PRSS21: variants seen among roughly 807,000 people sequenced by gnomAD.
The protein encoded by PRSS21 is testisin.
A neutral mutation model predicts 31.1 loss-of-function variants in PRSS21; 40 were observed. That is an observed-to-expected ratio of 1.29 (90% confidence interval 1.00 to 1.68). PRSS21 has a LOEUF of 1.68. Among genes scored for constraint, PRSS21 ranks in the 40% most tolerant of loss-of-function variants. The pLI is 0.00. For synonymous variants in PRSS21, 186 were observed against 167.7 expected (o/e 1.11, Z -0.84); for missense variants, 467 against 412.6 (o/e 1.13, Z -1.14).
chr16:2,818,639 C>T (rs755983278), intron 3 of PRSS21, 38 bp from the exon 4 acceptor site: 33 of 1,594,014 alleles, frequency 2.1e-5, no homozygotes, highest in Non-Finnish European at 2.8e-5. Context: ...GCCAGCCCTC[C>T]ATCCAGGGCC....
At chr16:2,820,034 A>G (rs1348482414) in intron 4 of PRSS21, among the ~76,000 whole-genome samples, 1 of 152,098 alleles carries the variant, frequency 6.6e-6, no homozygotes, top group Admixed American at 6.5e-5. Flanking sequence ...TCCCCAGCCC[A>G]GGGTAGACAG....
Position 2,817,298 on chromosome 16 carries a change from G to T in PRSS21, c.30G>T (p.Ala10=). 6.5e-7 allele frequency: 1 copy of T among 1,540,618 alleles called. No individual in the cohort carries two copies. The highest frequency in any genetic ancestry group is 2.4e-5 in the East Asian group (1 of 41,004). Residue 10 remains alanine (A), a synonymous_variant, in exon 1 of 6, where the codon GCG becomes GCT. Transcript: ENST00000005995. The surrounding 1 kb of genome is among the most constrained non-coding windows in gnomAD (Gnocchi z 4.2). Reference sequence around the variant, plus strand: ...GCGCGCGCGGGGCGCTGCTGCTGGCGCTGCTGCTGGCTCGGGCTGGACTCA... The same window carrying T: ...GCGCGCGCGGGGCGCTGCTGCTGGCTCTGCTGCTGGCTCGGGCTGGACTCA... MGARGALLL[A]LLLARAGLRK...
chr16:2,821,246 C>G, intron 5 of PRSS21, 120 bp from the exon 6 acceptor site: 1 of 1,531,976 alleles, frequency 6.5e-7, no homozygotes, highest in South Asian at 1.2e-5. Context: ...TTGGCTGCTG[C>G]CAGGGGGAGG....
Position 2,817,669 on chromosome 16 carries a change from T to C in PRSS21, c.92-132T>C, listed in dbSNP as rs2069099314. 3.0e-6 allele frequency: 4 copies of C among 1,319,920 alleles called. No individual in the cohort carries two copies. The South Asian group carries it at 4.2e-5, about 14-fold the overall frequency. The allele number at this position is 1,319,920 out of a possible 1,614,324, so 81.8% of individuals were successfully genotyped here. A position where few individuals can be genotyped will look rare whatever the true frequency, so the allele number is the denominator to read the frequency against. On this transcript the variant is annotated intron_variant, in intron 2 of 5. Transcript: ENST00000005995. This position sits in a 1 kb window ranked among gnomAD's most constrained non-coding sequence, Gnocchi z 4.2. ...AGGATCTCCAGTGTCACCTACTTCC[T>C]GCTGCACACACGCGAGGGGACCCTG...
rs2069161419 is a variant in PRSS21 at position 2,820,938 on chromosome 16, C to T, written c.551-17C>T. 6.2e-7 allele frequency: 1 copy of T among 1,611,628 alleles called. No individual in the cohort carries two copies. Among genetic ancestry groups the T allele is most frequent in the Non-Finnish European group, 8.5e-7 (1 of 1,179,462 alleles). ...CTCAGGTTGCTGTCTCTCTCCTTCCCACTATCGTCCGCACAGCACTGCCAT... is the reference window on the plus strand; with the variant it reads ...CTCAGGTTGCTGTCTCTCTCCTTCCTACTATCGTCCGCACAGCACTGCCAT... On this transcript the variant is annotated splice_polypyrimidine_tract_variant and intron_variant, in intron 4 of 5. Coordinates refer to ENST00000005995, the MANE Select transcript of PRSS21 (RefSeq NM_006799.4).
intron 4 of PRSS21, 94 bp downstream of exon 4, chr16:2,819,063 C>A: frequency 1.5e-6 from 2 of 1,376,186 alleles, no homozygotes; most frequent in Non-Finnish European, 2.0e-6. Flanking sequence ...TCTGGGGGTG[C>A]AGGCTATGCC....
chr16:2,821,110 G>C lies in PRSS21; in HGVS notation c.705+1G>C. ...CCAAGGCGGGAAGGATGCCTGCTTC[G>C]TGAGTGTCCTTGCCACCACTCCCAG... On this transcript the variant is annotated splice_donor_variant, in intron 5 of 5. Transcript: ENST00000005995. LOFTEE classifies it high-confidence loss of function. 6.2e-7 allele frequency: 1 copy of C among 1,613,812 alleles called. No homozygotes were observed. The highest frequency in any genetic ancestry group is 1.1e-5 in the South Asian group (1 of 91,078).
Position 2,821,633 on chromosome 16 carries a change from C to T in PRSS21, c.*28C>T, listed in dbSNP as rs2069181246. 5.6e-6 allele frequency: 9 copies of T among 1,598,328 alleles called. No homozygotes were observed. The highest frequency in any genetic ancestry group is 7.7e-6 in the Non-Finnish European group (9 of 1,171,620). On this transcript the variant is annotated 3_prime_UTR_variant, in exon 6 of 6. Coordinates refer to ENST00000005995, the MANE Select transcript of PRSS21 (RefSeq NM_006799.4). ...CTACCTGAGCCCATGCAGCCTGGGG[C>T]CACTGCCAAGTCAGGCCCTGGTTCT...
intron 5 of PRSS21, 115 bp from the exon 6 acceptor site, chr16:2,821,251 G>GGGA: frequency 6.5e-7 from 1 of 1,529,940 alleles, no homozygotes; most frequent in Non-Finnish European, 8.9e-7. Context: ...TGCTGCCAGG[G>GGGA]GGAGGAGGAG....
intron 5 of PRSS21, 81 bp from the exon 6 acceptor site, chr16:2,821,285 C>G: frequency 6.4e-7 from 1 of 1,570,418 alleles, no homozygotes; most frequent in Non-Finnish European, 8.7e-7. Context: ...TCTACCCAGC[C>G]CCATAGCCCT....
At position 2,821,669 on chromosome 16, in the gene PRSS21, G is replaced by A; in HGVS notation, c.*64G>A. The A allele has an allele frequency of 6.4e-7, 1 of 1,557,124 alleles. No individual in the cohort carries two copies. Among genetic ancestry groups the A allele is most frequent in the South Asian group, 1.1e-5 (1 of 87,014 alleles). On this transcript the variant is annotated 3_prime_UTR_variant, in exon 6 of 6. Transcript: ENST00000005995. ...TCAGGCCCTGGTTCTCTTCTGTCTT[G>A]TTTGGTAATAAACACATTCCAGTTG...
chr16:2,818,644 A>G, intron 3 of PRSS21, 33 bp from the exon 4 acceptor site: 5 of 1,601,278 alleles, frequency 3.1e-6, no homozygotes, highest in Non-Finnish European at 4.3e-6. Flanking sequence ...CCCTCCATCC[A>G]GGGCCCCTGA....
In PRSS21 at chr16:2,821,116, G is replaced by A. The variant is rs779912428; in HGVS notation, c.705+7G>A. The A allele has an allele frequency of 6.2e-7, 1 of 1,613,762 alleles. No homozygotes were observed. On this transcript the variant is annotated splice_region_variant and intron_variant, in intron 5 of 5. Coordinates refer to ENST00000005995, the MANE Select transcript of PRSS21 (RefSeq NM_006799.4). The stretch of plus-strand genomic sequence containing the variant: ...CGGGAAGGATGCCTGCTTCGTGAGT[G>A]TCCTTGCCACCACTCCCAGCCCAGG...
Position 2,817,836 on chromosome 16 carries a change from G to C in PRSS21, c.127G>C (p.Val43Leu). The C allele has an allele frequency of 2.6e-6, 4 of 1,551,292 alleles. No individual in the cohort carries two copies. Among genetic ancestry groups the C allele is most frequent in the Non-Finnish European group, 3.5e-6 (4 of 1,147,538 alleles). ...CCGACGGGTCATCACGTCGCGCATCGTGGGTGGAGAGGACGCCGAACTCGG... is the reference window on the plus strand; with the variant it reads ...CCGACGGGTCATCACGTCGCGCATCCTGGGTGGAGAGGACGCCGAACTCGG... ...CGRRVITSRIVGGEDAELGRW... is the reference protein window; with the variant it reads ...CGRRVITSRILGGEDAELGRW... The change falls in exon 3 of 6, where the codon GTG becomes CTG. Residue 43 changes from valine to leucine, a missense_variant. Transcript: ENST00000005995. The surrounding 1 kb of genome is among the most constrained non-coding windows in gnomAD (Gnocchi z 4.2).
intron 4 of PRSS21, among the ~76,000 whole-genome samples, chr16:2,819,867 C>G (rs1341826156): frequency 4.6e-5 from 7 of 152,180 alleles, no homozygotes; most frequent in Non-Finnish European, 8.8e-5. Flanking sequence ...AAGGGATGTC[C>G]CCAAGTCACA....
At chr16:2,819,803 A>T (rs1879971594) in intron 4 of PRSS21, among the ~76,000 whole-genome samples, 1 of 152,204 alleles carries the variant, frequency 6.6e-6, no homozygotes, top group Non-Finnish European at 1.5e-5. Flanking sequence ...GGGTTATGGA[A>T]ATTGCCAAGA....
chr16:2,821,682 C>A lies in PRSS21; in HGVS notation c.*77C>A. 1 of 1,519,938 alleles carries A rather than the reference C, an allele frequency of 6.6e-7. No homozygotes were observed. The allele number at this position is 1,519,938 out of a possible 1,614,324, so 94.2% of individuals were successfully genotyped here. A position where few individuals can be genotyped will look rare whatever the true frequency, so the allele number is the denominator to read the frequency against. The stretch of plus-strand genomic sequence containing the variant: ...CTCTTCTGTCTTGTTTGGTAATAAA[C>A]ACATTCCAGTTGATGCCTTGCAGGG... On this transcript the variant is annotated 3_prime_UTR_variant, in exon 6 of 6. Transcript: ENST00000005995.
rs747521088 is a variant in PRSS21 at position 2,821,549 on chromosome 16, T to C, written c.889T>C (p.Trp297Arg). ...QSGMSQPDPSWPLLFFPLLWA... is the reference protein window; with the variant it reads ...QSGMSQPDPSRPLLFFPLLWA... ...TGGCATGTCCCAGCCAGACCCCTCC[T>C]GGCCGCTACTCTTTTTCCCTCTTCT... Residue 297 changes from tryptophan (W) to arginine (R), a missense_variant, in exon 6 of 6, where the codon TGG becomes CGG. Transcript: ENST00000005995. The C allele has an allele frequency of 3.1e-5, 50 of 1,614,058 alleles. No homozygotes were observed. Among genetic ancestry groups the C allele is most frequent in the Non-Finnish European group, 3.7e-5 (44 of 1,180,012 alleles).
intron 4 of PRSS21, among the ~76,000 whole-genome samples, chr16:2,820,175 G>A (rs770819493): frequency 3.3e-5 from 5 of 152,262 alleles, no homozygotes; most frequent in Admixed American, 1.3e-4. Flanking sequence ...GGGCAAAGGT[G>A]TTCATCTTAC....
Sources: gnomAD v4.1 joint callset for allele counts (sites outside exome capture counted in the v4.1 genomes callset) on GRCh38, gnomAD v4.1.1 for gene constraint, Gnocchi (gnomAD v3.1) non-coding constraint, MANE v1.5 for transcripts, NCBI Gene and HGNC (gene_info 2026-07-23, HGNC 2026-07-21) for gene names.